Variants in PAX8 observed in about 807,000 individuals in gnomAD.
PAX8 encodes paired box protein Pax-8.
Under a neutral mutation model 52.4 loss-of-function variants are expected in PAX8, and 15 were observed. The observed-to-expected ratio is 0.29, with a 90% CI of 0.19 to 0.44. The LOEUF (loss-of-function observed/expected upper bound fraction) is 0.44. Ranked by LOEUF, PAX8 falls within the 20% of genes least tolerant of loss-of-function variation. PAX8 has a pLI of 1.00. For synonymous variants in PAX8, 284 were observed against 249.7 expected (o/e 1.14, Z -1.29); for missense variants, 554 against 602.5 (o/e 0.92, Z 0.84).
chr2:113,226,064 A>G (rs1689550661), intron 10 of PAX8: 2 of 985,692 alleles, frequency 2.0e-6, no homozygotes, highest in Non-Finnish European at 2.4e-6. Flanking sequence ...CCAGCTCAGC[A>G]GGTTCCCAGG....
chr2:113,277,632 C>T (rs569133643), intron 2 of PAX8, among the ~76,000 whole-genome samples: 12 of 152,336 alleles, frequency 7.9e-5, no homozygotes, highest in Admixed American at 7.2e-4. Flanking sequence ...CCAGCCCTGA[C>T]CCTGGAGCTC....
chr2:113,242,244 A>T, intron 5 of PAX8, 114 bp from the exon 6 acceptor site: 1 of 761,820 alleles, frequency 1.3e-6, no homozygotes, highest in Non-Finnish European at 2.1e-6. Flanking sequence ...GGGGAGAGGG[A>T]GAGGAGCAAG....
At chr2:113,240,600 C>T (rs1206310252) in intron 7 of PAX8, 3 of 152,250 alleles carry the variant, frequency 2.0e-5, no homozygotes, top group African/African-American at 7.2e-5. Flanking sequence ...TTGTTGGCCT[C>T]AGGGTGGGAC....
intron 2 of PAX8, among the ~76,000 whole-genome samples, chr2:113,256,811 C>G (rs1692300685): frequency 6.6e-6 from 1 of 152,136 alleles, no homozygotes; most frequent in South Asian, 2.1e-4. Flanking sequence ...CTCTGACTAA[C>G]TTATTACTTT....
At chr2:113,247,115 A>G (rs1691389881) in intron 2 of PAX8, among the ~76,000 whole-genome samples, 196 bp from the exon 3 acceptor site, 1 of 152,150 alleles carries the variant, frequency 6.6e-6, no homozygotes. Context: ...ATGGTATGTG[A>G]TGCTCATCCC....
At chr2:113,235,641 C>A (rs1174477309) in intron 8 of PAX8, 59 bp from the exon 9 acceptor site, 11 of 1,410,704 alleles carry the variant, frequency 7.8e-6, no homozygotes, top group Non-Finnish European at 1.1e-5. Flanking sequence ...GGAGGGAACA[C>A]GCACAAGCCA....
At chr2:113,278,274 C>A (rs535997533) in intron 2 of PAX8, 96 bp downstream of exon 2, 21 of 1,040,274 alleles carry the variant, frequency 2.0e-5, no homozygotes, top group Non-Finnish European at 2.8e-5. Context: ...TCCCGCGAAT[C>A]CCGTGCTGAC....
At chr2:113,259,844 A>G (rs1692535950) in intron 2 of PAX8, among the ~76,000 whole-genome samples, 1 of 152,124 alleles carries the variant, frequency 6.6e-6, no homozygotes, top group Non-Finnish European at 1.5e-5. Context: ...CTGGCATCGC[A>G]CACCAGGGCT....
chr2:113,237,411 G>A (rs555610688), intron 7 of PAX8: 1 of 152,288 alleles, frequency 6.6e-6, no homozygotes, highest in African/African-American at 2.4e-5. Context: ...TAGTGAAACA[G>A]ACTAAACCCG....
At position 113,236,515 on chromosome 2, in the gene PAX8, C is replaced by T. The variant is rs1213139734; in HGVS notation, c.898+86G>A. The T allele has an allele frequency of 6.2e-6, 9 of 1,458,750 alleles. 1 individual carries two copies. Among genetic ancestry groups the T allele is most frequent in the Non-Finnish European group, 8.3e-6 (9 of 1,087,436 alleles). The allele number at this position is 1,458,750 out of a possible 1,614,324, so 90.4% of individuals were successfully genotyped here. A position where few individuals can be genotyped will look rare whatever the true frequency, so the allele number is the denominator to read the frequency against. ...CACAGCCCGCCTCTCCTCTCCAGGC[C>T]AGGGCCCCACACCTTCCGCCTGACA... On this transcript the variant is annotated intron_variant, in intron 8 of 11. Transcript: ENST00000429538.
At chr2:113,264,590 G>T (rs1381512325) in intron 2 of PAX8, among the ~76,000 whole-genome samples, 1 of 152,206 alleles carries the variant, frequency 6.6e-6, no homozygotes, top group Admixed American at 6.5e-5. Flanking sequence ...GTAGGATTTT[G>T]TGTAAGGTGC....
intron 7 of PAX8, chr2:113,239,236 T>C (rs188828636): frequency 2.6e-5 from 4 of 152,198 alleles, no homozygotes; most frequent in Non-Finnish European, 4.4e-5. Flanking sequence ...CCTGGCTAAT[T>C]TTTATATTTT....
intron 2 of PAX8, among the ~76,000 whole-genome samples, chr2:113,248,921 G>A (rs1449284211): frequency 1.3e-5 from 2 of 152,016 alleles, no homozygotes; most frequent in African/African-American, 2.4e-5. Flanking sequence ...ATCCCAGATC[G>A]CATCATTGCA....
intron 4 of PAX8, among the ~76,000 whole-genome samples, chr2:113,244,039 T>C (rs887582445): frequency 6.6e-5 from 10 of 152,160 alleles, no homozygotes; most frequent in South Asian, 2.1e-4. Context: ...AAGTAAATGA[T>C]TGATTGAGGC....
chr2:113,235,196 C>G, intron 9 of PAX8, 198 bp downstream of exon 9: 1 of 580,452 alleles, frequency 1.7e-6, no homozygotes, highest in African/African-American at 1.9e-5. Context: ...GGCACCCCTA[C>G]AGCATCCGCC....
intron 2 of PAX8, among the ~76,000 whole-genome samples, chr2:113,277,860 C>T (rs1693935848): frequency 6.6e-6 from 1 of 152,112 alleles, no homozygotes; most frequent in Admixed American, 6.5e-5. Context: ...CACCTGAGTG[C>T]GCTGCCGGCT....
intron 10 of PAX8, among the ~76,000 whole-genome samples, chr2:113,222,674 T>C (rs1689337219): frequency 6.6e-6 from 1 of 152,190 alleles, no homozygotes. Flanking sequence ...CATATTCTGC[T>C]ATCTTCTGTC....
chr2:113,246,607 A>G, intron 3 of PAX8, 147 bp downstream of exon 3: 1 of 818,100 alleles, frequency 1.2e-6, no homozygotes, highest in South Asian at 1.6e-5. Context: ...CAGAAGGACC[A>G]CCATAACTGT....
chr2:113,274,581 C>G (rs1438015052), intron 2 of PAX8: 1 of 152,068 alleles, frequency 6.6e-6, no homozygotes, highest in East Asian at 1.9e-4. Context: ...TCTTTCACTC[C>G]TTTCTCTCTC....
Sources: allele counts gnomAD v4.1 joint callset (sites outside exome capture counted in the v4.1 genomes callset), GRCh38; gene constraint gnomAD v4.1.1; transcripts MANE v1.5; gene names NCBI Gene and HGNC (gene_info 2026-07-23, HGNC 2026-07-21).